ERI1: variants seen among roughly 807,000 people sequenced by gnomAD.
The protein encoded by ERI1 is 3'-5' exoribonuclease 1.
A neutral mutation model predicts 39.7 loss-of-function variants in ERI1; 39 were observed. That is an observed-to-expected ratio of 0.98 (90% CI 0.76 to 1.28). The LOEUF (loss-of-function observed/expected upper bound fraction) is 1.28. ERI1 is among the 50% of genes most tolerant of loss of function. The pLI, the probability that ERI1 is intolerant of heterozygous loss-of-function variation, is 0.00. For missense variants in ERI1, 581 were observed against 416.9 expected, an observed-to-expected ratio of 1.39 and a Z score of -3.43; for synonymous variants, 204 against 149.6, an observed-to-expected ratio of 1.36 and a Z score of -2.65.
chr8:9,091,181 C>G (rs1296562838), intron 3 of ERI1: 1 of 152,176 alleles, frequency 6.6e-6, no homozygotes, highest in Non-Finnish European at 1.5e-5. Context: ...TCTTCAGCAT[C>G]TGACTTAATC....
chr8:9,054,400 C>T (rs767168357), intron 3 of ERI1, among the ~76,000 whole-genome samples: 1 of 152,034 alleles, frequency 6.6e-6, no homozygotes, highest in Non-Finnish European at 1.5e-5. Context: ...TGTTTCTATT[C>T]TTTATGTAAT....
rs1329285657 is a variant in ERI1 at position 9,026,343 on chromosome 8, C to T, written c.808-3449C>T. Among the ~76,000 whole-genome samples, 5 of 152,158 alleles carry T rather than the reference C, an allele frequency of 3.3e-5. No individual in the cohort carries two copies. The South Asian group carries it at 1.0e-3, about 32-fold the overall frequency. ...ATTGCACAACCATCACCACATCATTCTCCAGAACTCTCATATTCCAAAAGT... is the reference window on the plus strand; with the variant it reads ...ATTGCACAACCATCACCACATCATTTTCCAGAACTCTCATATTCCAAAAGT... On this transcript the variant is annotated intron_variant, in intron 6 of 6. Transcript: ENST00000250263.
intron 3 of ERI1, among the ~76,000 whole-genome samples, chr8:9,090,195 A>C (rs1036028800): frequency 6.6e-6 from 1 of 152,088 alleles, no homozygotes; most frequent in Non-Finnish European, 1.5e-5. Flanking sequence ...CCAATTATGC[A>C]GAAACTCCAC....
chr8:9,047,668 C>T (rs1176459717), intron 3 of ERI1, among the ~76,000 whole-genome samples: 2 of 152,108 alleles, frequency 1.3e-5, no homozygotes, highest in African/African-American at 2.4e-5. Flanking sequence ...AATTGCACTC[C>T]AGCCTGGGCA....
At position 9,004,095 on chromosome 8, in the gene ERI1, C is replaced by T. The variant is rs998374871; in HGVS notation, c.108+924C>T. The T allele has an allele frequency of 4.7e-6, 6 of 1,289,128 alleles. No homozygotes were observed. The African/African-American group carries it at 7.6e-5, about 16-fold the overall frequency. The allele number at this position is 1,289,128 out of a possible 1,614,324, so 79.9% of individuals were successfully genotyped here. On this transcript the variant is annotated intron_variant, in intron 1 of 6. Coordinates refer to ENST00000250263, the MANE Select transcript of ERI1 (RefSeq NM_153332.4). ...CCAGTGCCCCTCGCTGCCTTGTGTTCTTTGACATTGGAAAGAAGGTCTCGT... is the reference window on the plus strand; with the variant it reads ...CCAGTGCCCCTCGCTGCCTTGTGTTTTTTGACATTGGAAAGAAGGTCTCGT...
chr8:9,014,776 A>C (rs1338986794), intron 3 of ERI1, among the ~76,000 whole-genome samples: 1 of 152,200 alleles, frequency 6.6e-6, no homozygotes, highest in Non-Finnish European at 1.5e-5. Flanking sequence ...AGTTAAGTGG[A>C]ATGTTGCAGT....
chr8:9,022,623 C>T (rs892462500), intron 6 of ERI1, among the ~76,000 whole-genome samples: 39 of 152,278 alleles, frequency 2.6e-4, no homozygotes, highest in African/African-American at 9.1e-4. Flanking sequence ...TGGTCTCGAA[C>T]TCCTGGACTC....
intron 3 of ERI1, among the ~76,000 whole-genome samples, chr8:9,090,461 T>C (rs1005950590): frequency 6.6e-6 from 1 of 152,212 alleles, no homozygotes; most frequent in African/African-American, 2.4e-5. Context: ...CTCTAGCTTA[T>C]TGATTATGGT....
At chr8:9,014,118 C>T (rs1369855035) in intron 3 of ERI1, among the ~76,000 whole-genome samples, 1 of 152,194 alleles carries the variant, frequency 6.6e-6, no homozygotes, top group East Asian at 1.9e-4. Flanking sequence ...CATGACCTGG[C>T]CTATTGTTTC....
chr8:9,063,739 A>C (rs1236408969), intron 3 of ERI1, among the ~76,000 whole-genome samples: 1 of 152,146 alleles, frequency 6.6e-6, no homozygotes. Flanking sequence ...AATTATTTAG[A>C]TCTTGTAGGA....
At chr8:9,027,368 A>T (rs570983108) in intron 6 of ERI1, among the ~76,000 whole-genome samples, 47 of 151,940 alleles carry the variant, frequency 3.1e-4, no homozygotes, top group Admixed American at 5.9e-4. Flanking sequence ...GAGTTGTAGG[A>T]GTTCTTTATT....
At position 9,021,242 on chromosome 8, in the gene ERI1, T is replaced by A. The variant is rs571921400; in HGVS notation, c.807+778T>A. On this transcript the variant is annotated intron_variant, in intron 6 of 6. Coordinates refer to ENST00000250263, the MANE Select transcript of ERI1 (RefSeq NM_153332.4). ...CATTCAAACTGTAAGTCACTTCTTATGACTGAGAACACTCAGGTAGTCTGT... is the reference window on the plus strand; with the variant it reads ...CATTCAAACTGTAAGTCACTTCTTAAGACTGAGAACACTCAGGTAGTCTGT... 2.0e-5 allele frequency among the ~76,000 whole-genome samples: 3 copies of A among 152,348 alleles called. No homozygotes were observed. The South Asian group carries it at 6.2e-4, about 32-fold the overall frequency.
intron 3 of ERI1, among the ~76,000 whole-genome samples, chr8:9,013,376 TC>T (rs1816882248): frequency 6.6e-6 from 1 of 151,882 alleles, no homozygotes; most frequent in Non-Finnish European, 1.5e-5. Context: ...GAATACTCTT[TC>T]CTTGGAGCAT....
At chr8:9,081,516 T>C (rs1249529301) in intron 3 of ERI1, among the ~76,000 whole-genome samples, 1 of 152,112 alleles carries the variant, frequency 6.6e-6, no homozygotes, top group Non-Finnish European at 1.5e-5. Flanking sequence ...TCAGCCATTT[T>C]CTCTCCGGCC....
At chr8:9,085,153 G>C (rs1371170090) in intron 3 of ERI1, among the ~76,000 whole-genome samples, 1 of 152,056 alleles carries the variant, frequency 6.6e-6, no homozygotes, top group Non-Finnish European at 1.5e-5. Flanking sequence ...CAGCCTGAGG[G>C]CTACATTCTG....
intron 3 of ERI1, among the ~76,000 whole-genome samples, chr8:9,049,205 G>A (rs1348997830): frequency 5.9e-5 from 9 of 151,272 alleles, no homozygotes; most frequent in African/African-American, 1.5e-4. Flanking sequence ...GCGTGGTGGC[G>A]GGAGCCTGTA....
At chr8:9,041,456 G>A (rs1367472502) in intron 3 of ERI1, among the ~76,000 whole-genome samples, 2 of 152,094 alleles carry the variant, frequency 1.3e-5, no homozygotes, top group African/African-American at 4.8e-5. Context: ...AGTCTCAAGA[G>A]CTTTTAAAAA....
At chr8:9,040,729 T>TGTG (rs1354786712) in intron 3 of ERI1, among the ~76,000 whole-genome samples, 2 of 148,532 alleles carry the variant, frequency 1.3e-5, no homozygotes, top group African/African-American at 5.0e-5. Flanking sequence ...AGTGTGTGTG[T>TGTG]GGGGGGGGGG....
chr8:9,052,779 G>C (rs1416279700), intron 3 of ERI1, among the ~76,000 whole-genome samples: 1 of 152,152 alleles, frequency 6.6e-6, no homozygotes, highest in Non-Finnish European at 1.5e-5. Context: ...TTTCCGAGTG[G>C]TTCGAATGTC....
Sources: allele counts gnomAD v4.1 joint callset (sites outside exome capture counted in the v4.1 genomes callset), GRCh38; gene constraint gnomAD v4.1.1; transcripts MANE v1.5; gene names NCBI Gene and HGNC (gene_info 2026-07-23, HGNC 2026-07-21).